Variants in MRTFA observed in about 807,000 individuals in gnomAD.
MRTFA encodes myocardin-related transcription factor A.
MRTFA carries 20 observed loss-of-function variants against 83.5 expected under a neutral mutation model. The observed-to-expected ratio is 0.24, with a 90% CI of 0.17 to 0.35. The LOEUF (loss-of-function observed/expected upper bound fraction) is 0.35. Ranked by LOEUF, MRTFA falls within the 10% of genes least tolerant of loss-of-function variation. The pLI is 1.00. For synonymous variants in MRTFA, 659 were observed against 541.2 expected (o/e 1.22, Z -3.02); for missense variants, 1,200 against 1,224.7 (o/e 0.98, Z 0.30).
intron 3 of MRTFA, among the ~76,000 whole-genome samples, chr22:40,507,761 G>A (rs2054602602): frequency 6.6e-6 from 1 of 152,024 alleles, no homozygotes; most frequent in Non-Finnish European, 1.5e-5. Context: ...TCAGGAATTA[G>A]AGACCAGCCT....
intron 3 of MRTFA, among the ~76,000 whole-genome samples, chr22:40,507,700 G>A (rs2054601475): frequency 6.6e-6 from 1 of 152,022 alleles, no homozygotes; most frequent in Admixed American, 6.6e-5. Flanking sequence ...AGATGCAGTT[G>A]CTCACGCTTG....
At chr22:40,489,419 G>T (rs2054232911) in intron 3 of MRTFA, among the ~76,000 whole-genome samples, 2 of 151,614 alleles carry the variant, frequency 1.3e-5, no homozygotes, top group African/African-American at 4.8e-5. Context: ...TCGTGAACAT[G>T]GTTCTAGCCT....
intron 3 of MRTFA, among the ~76,000 whole-genome samples, chr22:40,468,405 A>T (rs1312841457): frequency 6.6e-6 from 1 of 152,172 alleles, no homozygotes; most frequent in Non-Finnish European, 1.5e-5. Flanking sequence ...GAGGAAGTAG[A>T]AAAGAATAGG....
chr22:40,577,249 A>T (rs1487959286), intron 2 of MRTFA, among the ~76,000 whole-genome samples: 5 of 150,950 alleles, frequency 3.3e-5, no homozygotes, highest in Non-Finnish European at 7.4e-5. Context: ...AAAAAAAAAA[A>T]AAAAAAAATT....
At chr22:40,452,231 G>C (rs1342829575) in intron 4 of MRTFA, among the ~76,000 whole-genome samples, 5 of 152,030 alleles carry the variant, frequency 3.3e-5, no homozygotes, top group Non-Finnish European at 7.4e-5. Context: ...TGATCCACCT[G>C]CCTCGGCCTC....
Position 40,418,810 on chromosome 22 carries a change from T to C in MRTFA, c.1928A>G (p.Gln643Arg), listed in dbSNP as rs749187103. 1 of 1,608,186 alleles carries C rather than the reference T, an allele frequency of 6.2e-7. No individual in the cohort carries two copies. The highest frequency in any genetic ancestry group is 8.5e-7 in the Non-Finnish European group (1 of 1,179,078). ...GAGCCGCTCCACCAGCTGCTGCTTC[T>C]GCCGGAGCATGCGCGTCAGCGCCTC... is the stretch of plus-strand genomic sequence containing the variant. Residue 643 changes from glutamine (Q) to arginine (R), a missense_variant, in exon 12 of 15, where the codon CAG (glutamine) becomes CGG (arginine). Coordinates refer to ENST00000355630, the MANE Select transcript of MRTFA (RefSeq NM_020831.6).
rs541486020 is a variant in MRTFA at position 40,423,098 on chromosome 22, C to T, written c.927+438G>A. 2.0e-5 allele frequency among the ~76,000 whole-genome samples: 3 copies of T among 152,336 alleles called. No homozygotes were observed. In the East Asian group the frequency reaches 5.8e-4, roughly 29 times the overall value. On this transcript the variant is annotated intron_variant, in intron 9 of 14. Coordinates refer to ENST00000355630, the MANE Select transcript of MRTFA (RefSeq NM_020831.6). ...GCCCAGCACAGGTCCCCCACACCGA[C>T]AGTGGTAACCCCCGCCTCCTGCAGG... is the stretch of plus-strand genomic sequence containing the variant.
intron 7 of MRTFA, among the ~76,000 whole-genome samples, chr22:40,428,611 G>C (rs533573154): frequency 6.6e-6 from 1 of 152,222 alleles, no homozygotes; most frequent in Non-Finnish European, 1.5e-5. Flanking sequence ...ACTCTTGGAC[G>C]CAAGCGATCT....
At chr22:40,515,847 C>T (rs753535995) in intron 3 of MRTFA, among the ~76,000 whole-genome samples, 37 of 152,228 alleles carry the variant, frequency 2.4e-4, no homozygotes, top group Middle Eastern at 3.4e-3. Context: ...GTGCAGATGG[C>T]GACCACATTT....
chr22:40,418,321 C>T lies in MRTFA; in HGVS notation c.2364+53G>A, dbSNP rs916018392. On this transcript the variant is annotated intron_variant, in intron 12 of 14. Transcript: ENST00000355630. ...CTGGCCCAAGAGGGCTGTAGCGAGA[C>T]GCTCTTCCCACCCTCCTCTGGGCCC... is the stretch of plus-strand genomic sequence containing the variant. 1.4e-4 allele frequency: 225 copies of T among 1,582,396 alleles called. No homozygotes were observed. In the East Asian group the frequency reaches 1.5e-3, roughly 10 times the overall value.
chr22:40,567,885 A>G (rs1398246490), intron 2 of MRTFA, among the ~76,000 whole-genome samples: 1 of 152,214 alleles, frequency 6.6e-6, no homozygotes, highest in African/African-American at 2.4e-5. Flanking sequence ...TTTCTCAATG[A>G]CATCCTCTCC....
chr22:40,589,446 TTA>T (rs2056085623), intron 2 of MRTFA, among the ~76,000 whole-genome samples: 1 of 151,940 alleles, frequency 6.6e-6, no homozygotes, highest in Non-Finnish European at 1.5e-5. Flanking sequence ...TACAGAGAGG[TTA>T]AGTAACTGCT....
intron 3 of MRTFA, among the ~76,000 whole-genome samples, chr22:40,480,794 G>A (rs1013743452): frequency 2.1e-5 from 3 of 143,854 alleles, no homozygotes; most frequent in African/African-American, 8.0e-5. Flanking sequence ...CTGTCACCAG[G>A]CTGGAGTGCA....
chr22:40,542,717 G>C (rs1367811248), intron 3 of MRTFA, among the ~76,000 whole-genome samples: 1 of 152,144 alleles, frequency 6.6e-6, no homozygotes, highest in Non-Finnish European at 1.5e-5. Flanking sequence ...TAAGGAGAAA[G>C]TAAATAAATG....
intron 3 of MRTFA, among the ~76,000 whole-genome samples, chr22:40,477,313 GC>G (rs1178603992): frequency 6.6e-6 from 1 of 151,664 alleles, no homozygotes; most frequent in East Asian, 1.9e-4. Flanking sequence ...TCACGCCACT[GC>G]CCTCCAGCCT....
At chr22:40,542,054 G>C (rs2055299879) in intron 3 of MRTFA, among the ~76,000 whole-genome samples, 1 of 152,192 alleles carries the variant, frequency 6.6e-6, no homozygotes, top group African/African-American at 2.4e-5. Context: ...CCAGGCTGCA[G>C]TGCAGTGGCA....
intron 2 of MRTFA, chr22:40,586,924 G>GTGCTGGTGC: frequency 5.5e-6 from 2 of 363,412 alleles, no homozygotes; most frequent in African/African-American, 4.5e-5. Context: ...GCTGGTGCTG[G>GTGCTGGTGC]TGCTGCTGCT....
intron 2 of MRTFA, chr22:40,569,775 A>ATCCATCCATC (rs1569333195): frequency 7.9e-6 from 1 of 126,490 alleles, no homozygotes; most frequent in Non-Finnish European, 1.7e-5. Flanking sequence ...ATACATACAT[A>ATCCATCCATC]CATCAAGGGG....
At chr22:40,575,510 G>A (rs913106681) in intron 2 of MRTFA, among the ~76,000 whole-genome samples, 74 of 152,244 alleles carry the variant, frequency 4.9e-4, no homozygotes, top group Non-Finnish European at 5.7e-4. Flanking sequence ...CAGGTGAGTA[G>A]CAGTAAAAAG....
Sources: allele counts gnomAD v4.1 joint callset (sites outside exome capture counted in the v4.1 genomes callset), GRCh38; gene constraint gnomAD v4.1.1; transcripts MANE v1.5; gene names NCBI Gene and HGNC (gene_info 2026-07-23, HGNC 2026-07-21).